The following SRSF1 variants were observed in gnomAD, a reference collection of about 807,000 sequenced individuals.
SRSF1 encodes the protein serine/arginine-rich splicing factor 1.
Under a neutral mutation model 25.9 loss-of-function variants are expected in SRSF1, and 1 was observed. That is an observed-to-expected ratio of 0.04 (90% confidence interval 0.01 to 0.18). SRSF1 has a LOEUF of 0.18. SRSF1 is among the 10% of genes least tolerant of loss of function. The pLI is 1.00. For synonymous variants in SRSF1, 132 were observed against 126.2 expected (o/e 1.05, Z -0.31); for missense variants, 65 against 350.5 (o/e 0.19, Z 6.50).
chr17:57,996,631 T>G (rs1250937726), downstream of SRSF1, among the ~76,000 whole-genome samples: 1 of 151,088 alleles, frequency 6.6e-6, no homozygotes, highest in Non-Finnish European at 1.5e-5. Context: ...GAAAAGCAAA[T>G]AAGAAACAAC....
downstream of SRSF1, among the ~76,000 whole-genome samples, chr17:57,999,321 A>G (rs2075376726): frequency 6.6e-6 from 1 of 152,080 alleles, no homozygotes; most frequent in Admixed American, 6.5e-5. Flanking sequence ...TCCCCAGCAC[A>G]CCTAACTCCT....
At chr17:57,996,554 A>G (rs1008956310), downstream of SRSF1, among the ~76,000 whole-genome samples, 35 of 151,918 alleles carry the variant, frequency 2.3e-4, no homozygotes, top group African/African-American at 8.2e-4. Flanking sequence ...AAGCATACAC[A>G]TTAAACTAGA....
rs1195874450 is a variant in SRSF1 at position 58,003,135 on chromosome 17, C to T, written c.*2271G>A. On this transcript the variant is annotated 3_prime_UTR_variant, in exon 4 of 4. Coordinates refer to ENST00000258962, the MANE Select transcript of SRSF1 (RefSeq NM_006924.5). ...CCAAGTGAACATTAGTAGCCATCAA[C>T]CAATTTTGCACAAAAGCCTATGTTG... Among the ~76,000 whole-genome samples the T allele has an allele frequency of 6.6e-6, 1 of 152,140 alleles. No individual in the cohort carries two copies. Among genetic ancestry groups the T allele is most frequent in the East Asian group, 1.9e-4 (1 of 5,208 alleles).
the SRSF1 span, chr17:57,989,975 G>T: frequency 2.6e-6 from 1 of 380,372 alleles, no homozygotes. Flanking sequence ...TTTTCATTCA[G>T]TGGATAGCAA....
chr17:57,993,788 T>C, the SRSF1 span: 7 of 152,250 alleles, frequency 4.6e-5, no homozygotes, highest in Admixed American at 6.5e-5. Context: ...AGAAGTTAAT[T>C]AGCCCTCTAC....
the SRSF1 span, among the ~76,000 whole-genome samples, chr17:57,995,062 T>C: frequency 1.8e-4 from 27 of 152,258 alleles, no homozygotes; most frequent in Admixed American, 1.6e-3. Flanking sequence ...ATATAAGTGA[T>C]AGTTTTGACA....
Position 58,007,203 on chromosome 17 carries a change from A to C in SRSF1, c.-66T>G. ...ACCAAGCCTAGCGCACGGCAGAGCG[A>C]GCCCGCAGCGGCACCACGTCTCCCG... On this transcript the variant is annotated 5_prime_UTR_variant, in exon 1 of 4. Transcript: ENST00000258962. The C allele has an allele frequency of 6.3e-7, 1 of 1,580,240 alleles. No homozygotes were observed. The highest frequency in any genetic ancestry group is 8.6e-7 in the Non-Finnish European group (1 of 1,159,350).
downstream of SRSF1, among the ~76,000 whole-genome samples, chr17:57,999,837 G>A (rs1032868344): frequency 6.6e-6 from 1 of 152,122 alleles, no homozygotes; most frequent in Admixed American, 6.5e-5. Flanking sequence ...TAGCATCCTA[G>A]AGAAGCTGTT....
the SRSF1 span, chr17:57,989,913 A>C: frequency 2.5e-6 from 1 of 396,212 alleles, no homozygotes; most frequent in Non-Finnish European, 4.4e-6. Context: ...TAACTAAGTA[A>C]ACTAAAACCT....
At chr17:57,997,274 AATTTTCTGGCTTCACATCTGAGGAG>A (rs2075368970), downstream of SRSF1, among the ~76,000 whole-genome samples, 2 of 152,168 alleles carry the variant, frequency 1.3e-5, no homozygotes, top group African/African-American at 4.8e-5. Context: ...GATTAATTCA[AATTTTCTGGCTTCACATCTGAGGAG>A]TTATTAGTAT....
rs1357790481 is a variant in SRSF1 at position 58,005,045 on chromosome 17, C to T, written c.*361G>A. ...TAATCCATCTCTTCAGATATGTCTACAGAAAGACACATGAAAAGCAAGATA... is the reference window on the plus strand; with the variant it reads ...TAATCCATCTCTTCAGATATGTCTATAGAAAGACACATGAAAAGCAAGATA... On this transcript the variant is annotated 3_prime_UTR_variant, in exon 4 of 4. Coordinates refer to ENST00000258962, the MANE Select transcript of SRSF1 (RefSeq NM_006924.5). This position sits in a 1 kb window ranked among gnomAD's most constrained non-coding sequence, Gnocchi z 5.2. The T allele has an allele frequency of 4.4e-6, 2 of 451,118 alleles. No homozygotes were observed. The highest frequency in any genetic ancestry group is 5.7e-4 in the Middle Eastern group (1 of 1,750). The allele number at this position is 451,118 out of a possible 1,614,324, so 27.9% of individuals were successfully genotyped here.
downstream of SRSF1, among the ~76,000 whole-genome samples, chr17:57,998,867 C>T (rs142912108): frequency 4.2e-3 from 643 of 152,270 alleles, 3 homozygotes; most frequent in South Asian, 6.8e-3. Context: ...GGCCAGTTGT[C>T]CCACACCTGT....
In SRSF1 at chr17:58,006,702, A is replaced by G. The variant is rs977824264; in HGVS notation, c.195-175T>C. ...AACACGCCAGGCTCCCAACCACTAC[A>G]CCAGCCCTCAGCGCCTCAGTTTCCC... On this transcript the variant is annotated intron_variant, in intron 1 of 3. Coordinates refer to ENST00000258962, the MANE Select transcript of SRSF1 (RefSeq NM_006924.5). 2.2e-5 allele frequency: 20 copies of G among 891,636 alleles called. No individual in the cohort carries two copies. In the African/African-American group the frequency reaches 2.6e-4, roughly 11 times the overall value. 55.2% of individuals were successfully genotyped at this position (891,636 alleles called of 1,614,324 possible).
At chr17:57,989,651 G>T in the SRSF1 span, 1 of 398,598 alleles carries the variant, frequency 2.5e-6, no homozygotes. Flanking sequence ...TCAGTCACCA[G>T]AATGAAGGGG....
intron 2 of SRSF1, 130 bp from the exon 3 acceptor site, chr17:58,006,103 A>T: frequency 9.9e-7 from 1 of 1,007,700 alleles, no homozygotes; most frequent in Non-Finnish European, 1.4e-6. Flanking sequence ...AGGTAAAGAG[A>T]GCTGGTAAGA....
chr17:57,996,636 AAC>A (rs2143442252), downstream of SRSF1, among the ~76,000 whole-genome samples: 1 of 152,282 alleles, frequency 6.6e-6, no homozygotes, highest in South Asian at 2.1e-4. Flanking sequence ...GCAAATAAGA[AAC>A]AACGCAATTA....
rs1159528319 is a variant in SRSF1, at chr17:58,004,079, G to A, written c.*1327C>T. The A allele has an allele frequency of 8.5e-5, 13 of 152,618 alleles. No homozygotes were observed. The highest frequency in any genetic ancestry group is 2.9e-5 in the Non-Finnish European group (2 of 68,034). The allele number at this position is 152,618 out of a possible 1,614,324, so 9.5% of individuals were successfully genotyped here. On this transcript the variant is annotated 3_prime_UTR_variant, in exon 4 of 4. Coordinates refer to ENST00000258962, the MANE Select transcript of SRSF1 (RefSeq NM_006924.5). ...TCAAAAAAGGTTTCTGGGGAATGAT[G>A]AGTTATGTCTGTCATCAGTTTAACA...
chr17:57,996,477 C>CT (rs1491289184), downstream of SRSF1, among the ~76,000 whole-genome samples: 2 of 13,142 alleles, frequency 1.5e-4, no homozygotes, highest in Non-Finnish European at 3.4e-4. Flanking sequence ...GTGCAAGACA[C>CT]TGTCTTAAAA....
chr17:57,996,062 G>A (rs1223600213), downstream of SRSF1, among the ~76,000 whole-genome samples: 1 of 152,206 alleles, frequency 6.6e-6, no homozygotes, highest in African/African-American at 2.4e-5. Context: ...AGAACACAGT[G>A]TCTCAGATTT....
Sources: gnomAD v4.1 joint callset for allele counts (sites outside exome capture counted in the v4.1 genomes callset) on GRCh38, gnomAD v4.1.1 for gene constraint, Gnocchi (gnomAD v3.1) non-coding constraint, MANE v1.5 for transcripts, NCBI Gene and HGNC (gene_info 2026-07-23, HGNC 2026-07-21) for gene names.